SH3TC2: variants seen among roughly 807,000 people sequenced by gnomAD.
The protein encoded by SH3TC2 is SH3 domain and tetratricopeptide repeat-containing protein 2.
A neutral mutation model predicts 124.5 loss-of-function variants in SH3TC2; 87 were observed. The ratio of observed to expected loss-of-function variants is 0.70; its 90% confidence interval spans 0.59 to 0.84. The LOEUF is 0.84. Among genes scored for constraint, SH3TC2 ranks in the 40% least tolerant of loss-of-function variants. The pLI is 0.00. For missense variants in SH3TC2, 1,536 were observed against 1,566.4 expected (o/e 0.98, Z 0.33); for synonymous variants, 634 against 628.5 (o/e 1.01, Z -0.13).
Position 149,038,325 on chromosome 5 carries a change from CT to C in SH3TC2, c.970del (p.Arg324GlyfsTer3). 1 of 1,614,140 alleles carries C rather than the reference CT, an allele frequency of 6.2e-7. No homozygotes were observed. Among genetic ancestry groups the C allele is most frequent in the Non-Finnish European group, 8.5e-7 (1 of 1,179,982 alleles). ...SSGQVGFVPT[R>X]NIDPDSYSPM... is the part of the protein sequence containing the mutation. ...GGAATAAGAATCAGGATCTATGTTC[CT>C]GGTGGGGACAAAGCCCACTTGTCCT... On this transcript the variant is annotated frameshift_variant, in exon 8 of 17. Coordinates refer to ENST00000515425, the MANE Select transcript of SH3TC2 (RefSeq NM_024577.4). LOFTEE classifies it high-confidence loss of function.
chr5:149,006,845 G>A, intron 16 of SH3TC2, 36 bp downstream of exon 16: 7 of 1,599,630 alleles, frequency 4.4e-6, no homozygotes, highest in East Asian at 2.2e-5. Flanking sequence ...TGGTTGGGTG[G>A]TGGCTGTCAG....
Position 148,988,452 on chromosome 5 carries a change from T to C in SH3TC2, c.*16259A>G, listed in dbSNP as rs1463040378. Among the ~76,000 whole-genome samples the C allele has an allele frequency of 6.6e-6, 1 of 152,168 alleles. No homozygotes were observed. The highest frequency in any genetic ancestry group is 2.4e-5 in the African/African-American group (1 of 41,434). ...ACACTGTGTGACTTCTGAGGCCAGGTCATAGGAAGCTTTGCAGCTCCCCGT... is the reference window on the plus strand; with the variant it reads ...ACACTGTGTGACTTCTGAGGCCAGGCCATAGGAAGCTTTGCAGCTCCCCGT... On this transcript the variant is annotated 3_prime_UTR_variant, in exon 17 of 17. Transcript: ENST00000515425.
At chr5:149,032,052 T>C (rs1342001774) in intron 8 of SH3TC2, among the ~76,000 whole-genome samples, 1 of 152,188 alleles carries the variant, frequency 6.6e-6, no homozygotes, top group East Asian at 1.9e-4. Flanking sequence ...GAGGAATCAA[T>C]TGCCCTAAAT....
rs775892290 is a variant in SH3TC2, at chr5:149,040,660, T to C, written c.749A>G (p.Tyr250Cys). Reference protein sequence around the residue: ...LPFHQWFLKNYPGSCGLSRKR... With the variant: ...LPFHQWFLKNCPGSCGLSRKR... ...CCTGGAAAGGCCACAGCTTCCTGGATAATTCTTTAGGAACCACCTGCCAAT... is the reference window on the plus strand; with the variant it reads ...CCTGGAAAGGCCACAGCTTCCTGGACAATTCTTTAGGAACCACCTGCCAAT... Residue 250 changes from tyrosine to cysteine, a missense_variant, in exon 7 of 17, where the codon TAT becomes TGT. By Grantham distance (194) the Tyr-to-Cys change is radical. Coordinates refer to ENST00000515425, the MANE Select transcript of SH3TC2 (RefSeq NM_024577.4). 14 of 1,614,082 alleles carry C rather than the reference T, an allele frequency of 8.7e-6. No homozygotes were observed. Among genetic ancestry groups the C allele is most frequent in the Non-Finnish European group, 1.2e-5 (14 of 1,180,026 alleles).
Position 149,010,327 on chromosome 5 carries a change from TG to T in SH3TC2, c.3269del (p.Ala1090GlufsTer26). 6.2e-7 allele frequency: 1 copy of T among 1,613,992 alleles called. No homozygotes were observed. Among genetic ancestry groups the T allele is most frequent in the Non-Finnish European group, 8.5e-7 (1 of 1,180,012 alleles). ...PLLALKLYEE[A>X]GDVFFNGTRH... Reference sequence around the variant, plus strand: ...GGGTCCCATTGAAGAACACATCACCTGCTTCTTCATAAAGTTTGAGAGCCAG... The same window carrying T: ...GGGTCCCATTGAAGAACACATCACCTCTTCTTCATAAAGTTTGAGAGCCAG... On this transcript the variant is annotated frameshift_variant, in exon 14 of 17. Transcript: ENST00000515425. LOFTEE classifies it high-confidence loss of function.
chr5:149,011,625 A>G (rs1032813675), intron 13 of SH3TC2, among the ~76,000 whole-genome samples: 8 of 152,244 alleles, frequency 5.3e-5, no homozygotes, highest in African/African-American at 1.9e-4. Context: ...ATGAGGGTTA[A>G]ACTACGTCAT....
rs775002980 is a variant in SH3TC2 at position 149,041,541 on chromosome 5, C to G, written c.606G>C (p.Lys202Asn). 1 of 1,614,226 alleles carries G rather than the reference C, an allele frequency of 6.2e-7. No individual in the cohort carries two copies. The highest frequency in any genetic ancestry group is 8.5e-7 in the Non-Finnish European group (1 of 1,180,040). Residue 202 changes from lysine (K) to asparagine (N), a missense_variant, in exon 6 of 17, where the codon AAG becomes AAC. Lys to Asn is a moderately conservative substitution (Grantham distance 94). This residue lies in a region of SH3TC2 where 1,102 missense variants were observed against 1,098.6 expected (regional missense o/e 1.00). Coordinates refer to ENST00000515425, the MANE Select transcript of SH3TC2 (RefSeq NM_024577.4). ...EKEGECLTLC[K>N]NELISVKMAE... Reference sequence around the variant, plus strand: ...CCATCTTCACTGAGATTAACTCATTCTTGCAAAGTGTCAAGCATTCCCCTT... The same window carrying G: ...CCATCTTCACTGAGATTAACTCATTGTTGCAAAGTGTCAAGCATTCCCCTT...
In SH3TC2 at chr5:148,994,741, T is replaced by C. The variant is rs1452446088; in HGVS notation, c.*9970A>G. ...ATGGATGGATGGATGGATGGATGAA[T>C]AGATGGATGAATAGATGGATGAATA... On this transcript the variant is annotated 3_prime_UTR_variant, in exon 17 of 17. Coordinates refer to ENST00000515425, the MANE Select transcript of SH3TC2 (RefSeq NM_024577.4). Among the ~76,000 whole-genome samples, 2 of 94,552 alleles carry C rather than the reference T, an allele frequency of 2.1e-5. No individual in the cohort carries two copies. The highest frequency in any genetic ancestry group is 3.5e-4 in the South Asian group (1 of 2,896). The allele number at this position is 94,552 out of a possible 152,430, so 62.0% of individuals were successfully genotyped here. A position where few individuals can be genotyped will look rare whatever the true frequency, so the allele number is the denominator to read the frequency against.
chr5:149,032,656 C>T (rs74437900), intron 8 of SH3TC2, among the ~76,000 whole-genome samples: 1,608 of 152,178 alleles, frequency 0.011, 28 homozygotes, highest in African/African-American at 0.037. Flanking sequence ...TTTTTACAGA[C>T]GAATAAACTG....
intron 1 of SH3TC2, among the ~76,000 whole-genome samples, chr5:149,053,471 C>T (rs1039618030): frequency 8.5e-5 from 13 of 152,204 alleles, no homozygotes; most frequent in African/African-American, 3.1e-4. Flanking sequence ...AGCTCTTCAT[C>T]CAGTAAATCT....
At position 148,991,756 on chromosome 5, in the gene SH3TC2, T is replaced by C. The variant is rs1462154535; in HGVS notation, c.*12955A>G. Among the ~76,000 whole-genome samples the C allele has an allele frequency of 6.6e-6, 1 of 152,210 alleles. No individual in the cohort carries two copies. The highest frequency in any genetic ancestry group is 1.5e-5 in the Non-Finnish European group (1 of 68,028). ...CTGCTTTTGTAGAAATTATACTCAC[T>C]GGTGTCCAACCTGCCCTGAATCACT... is the stretch of plus-strand genomic sequence containing the variant. On this transcript the variant is annotated 3_prime_UTR_variant, in exon 17 of 17. Coordinates refer to ENST00000515425, the MANE Select transcript of SH3TC2 (RefSeq NM_024577.4).
chr5:149,025,375 T>C (rs1251567109), intron 12 of SH3TC2, among the ~76,000 whole-genome samples: 2 of 152,202 alleles, frequency 1.3e-5, no homozygotes, highest in Non-Finnish European at 2.9e-5. Flanking sequence ...CCTTATCTGA[T>C]TGTCCAGGTG....
chr5:149,060,446 C>T (rs1373240061), intron 1 of SH3TC2, among the ~76,000 whole-genome samples: 3 of 152,166 alleles, frequency 2.0e-5, no homozygotes, highest in Non-Finnish European at 4.4e-5. Flanking sequence ...GCAGAGTCCA[C>T]ATGTAAGAAT....
rs1018387179 is a variant in SH3TC2 at position 148,985,915 on chromosome 5, A to G, written c.*18796T>C. On this transcript the variant is annotated 3_prime_UTR_variant, in exon 17 of 17. Transcript: ENST00000515425. ...TCTCCATTAGGGCTCAAAAGACTTC[A>G]TGTCTGTGCTGGGAGCAAAGTAACC... Among the ~76,000 whole-genome samples the G allele has an allele frequency of 3.9e-5, 6 of 152,194 alleles. No individual in the cohort carries two copies. Among genetic ancestry groups the G allele is most frequent in the Admixed American group, 2.6e-4 (4 of 15,282 alleles).
At chr5:149,004,966 G>T in intron 16 of SH3TC2, 64 bp from the exon 17 acceptor site, 1 of 1,578,138 alleles carries the variant, frequency 6.3e-7, no homozygotes, top group Non-Finnish European at 8.7e-7. Context: ...GACAGGCTAG[G>T]AGGCTGTGCT....
At chr5:149,031,723 G>A (rs761092387) in intron 8 of SH3TC2, 36 bp from the exon 9 acceptor site, 1 of 1,612,676 alleles carries the variant, frequency 6.2e-7, no homozygotes, top group Non-Finnish European at 8.5e-7. Flanking sequence ...ACAGATTACT[G>A]CAAGGCTTCA....
chr5:149,054,711 A>T (rs2127404087), intron 1 of SH3TC2, among the ~76,000 whole-genome samples: 1 of 152,364 alleles, frequency 6.6e-6, no homozygotes, highest in Non-Finnish European at 1.5e-5. Context: ...GGCAACAGTC[A>T]GCTGGGGCCA....
Position 148,993,850 on chromosome 5 carries a change from C to T in SH3TC2, c.*10861G>A, listed in dbSNP as rs1753460212. On this transcript the variant is annotated 3_prime_UTR_variant, in exon 17 of 17. Coordinates refer to ENST00000515425, the MANE Select transcript of SH3TC2 (RefSeq NM_024577.4). The stretch of plus-strand genomic sequence containing the variant: ...AAGAAGTGTTCATTAACTTCTTCGC[C>T]CAAACAAGTACTCTTCTGAAATGTC... Among the ~76,000 whole-genome samples the T allele has an allele frequency of 2.6e-5, 4 of 152,184 alleles. No individual in the cohort carries two copies. The highest frequency in any genetic ancestry group is 9.7e-5 in the African/African-American group (4 of 41,442).
chr5:149,044,493 T>G lies in SH3TC2; in HGVS notation c.385+40A>C, dbSNP rs1401305836. On this transcript the variant is annotated intron_variant, in intron 4 of 16. Transcript: ENST00000515425. Reference sequence around the variant, plus strand: ...CAAGCCCTACAAATTGGCTAAATTGTGGAGGAGGTCATCCTCCACCTGCTT... The same window carrying G: ...CAAGCCCTACAAATTGGCTAAATTGGGGAGGAGGTCATCCTCCACCTGCTT... 2.6e-6 allele frequency: 4 copies of G among 1,518,536 alleles called. No individual in the cohort carries two copies. In the African/African-American group the frequency reaches 5.5e-5, roughly 21 times the overall value. 94.1% of individuals were successfully genotyped at this position (1,518,536 alleles called of 1,614,324 possible).
Sources: gnomAD v4.1 joint callset for allele counts (sites outside exome capture counted in the v4.1 genomes callset) on GRCh38, gnomAD v4.1.1 for gene constraint, gnomAD v4.1.1 regional missense constraint, MANE v1.5 for transcripts, NCBI Gene and HGNC (gene_info 2026-07-23, HGNC 2026-07-21) for gene names.